The following UMAD1 variants were observed in gnomAD, a reference collection of about 807,000 sequenced individuals.
The protein encoded by UMAD1 is UBAP1-MVB12-associated (UMA) domain containing 1.
In UMAD1, 8 loss-of-function variants were observed where a neutral mutation model predicts 6.1. The ratio of observed to expected loss-of-function variants is 1.30; its 90% CI spans 0.76 to 2.35. UMAD1 has a LOEUF of 2.35. Ranked by LOEUF, UMAD1 falls within the 30% of genes most tolerant of loss-of-function variation. The probability of loss-of-function intolerance (pLI) is 0.00; values close to 1 mark genes in which losing one functional copy is unlikely to be tolerated. For missense variants in UMAD1, 130 were observed against 78.4 expected (o/e 1.66, Z -2.49); for synonymous variants, 56 against 31.4 (o/e 1.78, Z -2.61).
intron 2 of UMAD1, among the ~76,000 whole-genome samples, chr7:7,776,416 A>C (rs1357294748): frequency 6.6e-6 from 1 of 152,220 alleles, no homozygotes; most frequent in African/African-American, 2.4e-5. Flanking sequence ...TAGTATTCTC[A>C]AGTGACAGGG....
intron 2 of UMAD1, among the ~76,000 whole-genome samples, chr7:7,733,437 C>T (rs1015068360): frequency 6.6e-6 from 1 of 151,796 alleles, no homozygotes; most frequent in African/African-American, 2.4e-5. Context: ...CTTCATATTC[C>T]TGATTGAAGG....
chr7:7,647,150 G>T (rs894855652), intron 1 of UMAD1, among the ~76,000 whole-genome samples: 2 of 152,158 alleles, frequency 1.3e-5, no homozygotes, highest in African/African-American at 4.8e-5. Flanking sequence ...AGTTATCTTT[G>T]ACTAGAGCTT....
intron 2 of UMAD1, among the ~76,000 whole-genome samples, chr7:7,693,295 T>TTATCTATCTGTC (rs1780220613): frequency 6.7e-6 from 1 of 148,886 alleles, no homozygotes; most frequent in Non-Finnish European, 1.5e-5. Context: ...TAAAATATCT[T>TTATCTATCTGTC]TATCTATCTA....
At chr7:7,828,777 C>T (rs956371647) in intron 3 of UMAD1, among the ~76,000 whole-genome samples, 2 of 152,032 alleles carry the variant, frequency 1.3e-5, no homozygotes, top group African/African-American at 4.8e-5. Context: ...CTTGTACAAC[C>T]AGTGGTACTC....
chr7:7,693,977 G>T (rs1407166939), intron 2 of UMAD1, among the ~76,000 whole-genome samples: 2 of 152,110 alleles, frequency 1.3e-5, no homozygotes, highest in East Asian at 3.9e-4. Context: ...TGCCATTATT[G>T]TCAGTTGTTC....
chr7:7,664,896 G>A (rs1338788527), intron 1 of UMAD1, among the ~76,000 whole-genome samples: 3 of 152,098 alleles, frequency 2.0e-5, no homozygotes, highest in Admixed American at 6.6e-5. Context: ...GCATTTCACT[G>A]TACAAAAGGA....
intron 2 of UMAD1, among the ~76,000 whole-genome samples, chr7:7,786,428 G>GC: frequency 6.6e-6 from 1 of 152,184 alleles, no homozygotes; most frequent in African/African-American, 2.4e-5. Flanking sequence ...TCTATCAGGT[G>GC]GTGCACAGCT....
At chr7:7,817,713 T>G (rs1357952628) in intron 3 of UMAD1, among the ~76,000 whole-genome samples, 4 of 152,256 alleles carry the variant, frequency 2.6e-5, no homozygotes, top group Non-Finnish European at 5.9e-5. Context: ...GGTTGTATTT[T>G]GGATTTTCTT....
intron 3 of UMAD1, among the ~76,000 whole-genome samples, chr7:7,817,025 C>G (rs555726047): frequency 6.6e-6 from 1 of 152,288 alleles, no homozygotes; most frequent in South Asian, 2.1e-4. Flanking sequence ...TGGTCCTGCT[C>G]CTCTGTGTAA....
At chr7:7,724,509 G>A (rs552956495) in intron 2 of UMAD1, among the ~76,000 whole-genome samples, 44 of 152,318 alleles carry the variant, frequency 2.9e-4, no homozygotes, top group African/African-American at 1.1e-3. Context: ...TAGAAAAATA[G>A]TAAATCAAAA....
intron 2 of UMAD1, among the ~76,000 whole-genome samples, chr7:7,697,163 A>T (rs1352651712): frequency 6.6e-6 from 1 of 152,176 alleles, no homozygotes; most frequent in Non-Finnish European, 1.5e-5. Flanking sequence ...AGTCTTGATG[A>T]TCATAATCCA....
rs150411259 is a variant in UMAD1 at position 7,835,462 on chromosome 7, C to CTTTTTTTTTTTTTT, written c.156+33744_156+33757dup. 1.2e-4 allele frequency among the ~76,000 whole-genome samples: 4 copies of CTTTTTTTTTTTTTT among 33,684 alleles called. 1 individual carries two copies. The highest frequency in any genetic ancestry group is 1.0e-4 in the African/African-American group (1 of 9,826). The allele number at this position is 33,684 out of a possible 152,430, so 22.1% of individuals were successfully genotyped here. ...CATTCATTCACTCATTGAAACAGCACTTTTTTTTTTTTTTTTTTTTTTTTT... is the reference window on the plus strand; with the variant it reads ...CATTCATTCACTCATTGAAACAGCACTTTTTTTTTTTTTTTTTTTTTTTTTTTTTTTTTTTTTTT... On this transcript the variant is annotated intron_variant, in intron 3 of 3. Transcript: ENST00000682710.
At position 7,797,571 on chromosome 7, in the gene UMAD1, T is replaced by G. The variant is rs368672003; in HGVS notation, c.83-4099T>G. Among the ~76,000 whole-genome samples the G allele has an allele frequency of 4.0e-4, 61 of 152,332 alleles. 1 individual carries two copies. Among genetic ancestry groups the G allele is most frequent in the African/African-American group, 1.4e-3 (58 of 41,568 alleles). ...CCTGTCCAATTTCCTTTATACATAG[T>G]GCTCACTCTTCAGCATTATTTCTCC... On this transcript the variant is annotated intron_variant, in intron 2 of 3. Coordinates refer to ENST00000682710, the MANE Select transcript of UMAD1 (RefSeq NM_001302348.2).
At chr7:7,690,047 T>C (rs1780137380) in intron 2 of UMAD1, among the ~76,000 whole-genome samples, 1 of 152,202 alleles carries the variant, frequency 6.6e-6, no homozygotes, top group Non-Finnish European at 1.5e-5. Context: ...TCTAAAGTGA[T>C]GGGAAATAAG....
At chr7:7,784,307 A>G (rs1291136366) in intron 2 of UMAD1, among the ~76,000 whole-genome samples, 2 of 150,608 alleles carry the variant, frequency 1.3e-5, no homozygotes, top group African/African-American at 2.4e-5. Context: ...TGTGATTTCC[A>G]TGACTTAAAA....
At chr7:7,647,211 A>ATTTTCTAG (rs1471425539) in intron 1 of UMAD1, among the ~76,000 whole-genome samples, 1 of 152,080 alleles carries the variant, frequency 6.6e-6, no homozygotes, top group Non-Finnish European at 1.5e-5. Flanking sequence ...AGTTCTAGGT[A>ATTTTCTAG]TTTTCTAGTT....
chr7:7,853,128 A>G (rs1426986898), intron 3 of UMAD1, among the ~76,000 whole-genome samples: 1 of 152,172 alleles, frequency 6.6e-6, no homozygotes, highest in African/African-American at 2.4e-5. Flanking sequence ...GTGGACGAAA[A>G]CCAGTATATA....
chr7:7,736,330 C>A (rs1377540131), intron 2 of UMAD1: 1 of 152,950 alleles, frequency 6.5e-6, no homozygotes, highest in Non-Finnish European at 1.5e-5. Context: ...CTTATAAGTA[C>A]CAGCTGTCAT....
At position 7,832,913 on chromosome 7, in the gene UMAD1, C is replaced by T. The variant is rs979725591; in HGVS notation, c.156+31170C>T. The stretch of plus-strand genomic sequence containing the variant: ...TTGAGATAGGACCTAATGGGTCGGT[C>T]AGCTTTTCATAGACAGGGGGGAACG... On this transcript the variant is annotated intron_variant, in intron 3 of 3. Transcript: ENST00000682710. Among the ~76,000 whole-genome samples, 4 of 152,062 alleles carry T rather than the reference C, an allele frequency of 2.6e-5. No homozygotes were observed. In the East Asian group the frequency reaches 7.7e-4, roughly 29 times the overall value.
Sources: allele counts gnomAD v4.1 joint callset (sites outside exome capture counted in the v4.1 genomes callset), GRCh38; gene constraint gnomAD v4.1.1; transcripts MANE v1.5; gene names NCBI Gene and HGNC (gene_info 2026-07-23, HGNC 2026-07-21).